The following GALNT13 variants were observed in gnomAD, a reference collection of about 807,000 sequenced individuals.
GALNT13 encodes the protein polypeptide N-acetylgalactosaminyltransferase 13, also known as UDP-GalNAc:polypeptide N-acetylgalactosaminyltransferase 13.
Under a neutral mutation model 64.2 loss-of-function variants are expected in GALNT13, and 28 were observed. The observed-to-expected ratio is 0.44, with a 90% CI of 0.32 to 0.60. The LOEUF (loss-of-function observed/expected upper bound fraction) is 0.60. GALNT13 is among the 20% of genes least tolerant of loss of function. The pLI is 0.05. For synonymous variants in GALNT13, 214 were observed against 224.6 expected, an observed-to-expected ratio of 0.95 and a Z score of 0.42; for missense variants, 577 against 669.8, an observed-to-expected ratio of 0.86 and a Z score of 1.53.
the GALNT13 span, among the ~76,000 whole-genome samples, chr2:153,241,611 C>T: frequency 1.3e-5 from 2 of 151,898 alleles, no homozygotes; most frequent in Admixed American, 6.6e-5. Context: ...CCTGGTATAC[C>T]AGCAAAATGT....
At chr2:154,064,556 C>T (rs767237809) in intron 3 of GALNT13, among the ~76,000 whole-genome samples, 25 of 152,068 alleles carry the variant, frequency 1.6e-4, no homozygotes, top group Non-Finnish European at 3.4e-4. Context: ...GAGTAGGCTA[C>T]AGCACTGGGC....
At chr2:153,338,865 T>A in the GALNT13 span, among the ~76,000 whole-genome samples, 3 of 152,242 alleles carry the variant, frequency 2.0e-5, no homozygotes, top group Non-Finnish European at 4.4e-5. Context: ...CACAAATAAG[T>A]AAAATGATGC....
At chr2:153,258,800 T>C in the GALNT13 span, among the ~76,000 whole-genome samples, 1 of 152,252 alleles carries the variant, frequency 6.6e-6, no homozygotes, top group Admixed American at 6.5e-5. Context: ...TTACCGGTTT[T>C]ATTCCTTTCT....
At chr2:154,280,593 A>G (rs1434084346) in intron 8 of GALNT13, among the ~76,000 whole-genome samples, 1 of 152,168 alleles carries the variant, frequency 6.6e-6, no homozygotes, top group Non-Finnish European at 1.5e-5. Context: ...CTGAAGGAAA[A>G]CTTTTTCTGA....
chr2:153,735,320 C>G, the GALNT13 span, among the ~76,000 whole-genome samples: 7 of 151,688 alleles, frequency 4.6e-5, no homozygotes, highest in Non-Finnish European at 7.4e-5. Context: ...ACTTTTCCCC[C>G]CAAGATTTCA....
At chr2:153,132,819 C>G in the GALNT13 span, among the ~76,000 whole-genome samples, 1 of 152,116 alleles carries the variant, frequency 6.6e-6, no homozygotes, top group Non-Finnish European at 1.5e-5. Flanking sequence ...TCCCCAGGCT[C>G]ATGTGATTCT....
At chr2:153,665,817 G>A in the GALNT13 span, among the ~76,000 whole-genome samples, 1 of 152,118 alleles carries the variant, frequency 6.6e-6, no homozygotes, top group South Asian at 2.1e-4. Context: ...AACCTCCATG[G>A]AAATTGGAGT....
the GALNT13 span, among the ~76,000 whole-genome samples, chr2:153,575,688 CAAT>C: frequency 1.3e-5 from 2 of 152,120 alleles, no homozygotes; most frequent in African/African-American, 4.8e-5. Context: ...AGACTACCAC[CAAT>C]ATTTCCCTAA....
chr2:153,954,309 G>GA (rs1380365364), intron 3 of GALNT13, among the ~76,000 whole-genome samples: 2 of 152,056 alleles, frequency 1.3e-5, no homozygotes, highest in Non-Finnish European at 2.9e-5. Context: ...ATGACCACTG[G>GA]AATGTTGAGA....
At chr2:153,651,498 C>T in the GALNT13 span, among the ~76,000 whole-genome samples, 1 of 152,240 alleles carries the variant, frequency 6.6e-6, no homozygotes, top group East Asian at 1.9e-4. Flanking sequence ...CATTCTCCTT[C>T]TCTGGTGGAA....
At chr2:153,690,948 C>T in the GALNT13 span, among the ~76,000 whole-genome samples, 4 of 152,084 alleles carry the variant, frequency 2.6e-5, no homozygotes, top group Non-Finnish European at 2.9e-5. Context: ...AGCAAACAAT[C>T]CATTAAGCTC....
the GALNT13 span, among the ~76,000 whole-genome samples, chr2:153,749,001 T>C: frequency 6.6e-6 from 1 of 152,112 alleles, no homozygotes; most frequent in Non-Finnish European, 1.5e-5. Context: ...GATTTGATTT[T>C]TGTATATAGT....
chr2:153,844,778 G>A, the GALNT13 span, among the ~76,000 whole-genome samples: 1 of 152,174 alleles, frequency 6.6e-6, no homozygotes, highest in African/African-American at 2.4e-5. Context: ...GAAGCAGCCA[G>A]CCACATCCTG....
At chr2:153,940,258 GT>G (rs1341531226) in intron 2 of GALNT13, among the ~76,000 whole-genome samples, 1 of 125,962 alleles carries the variant, frequency 7.9e-6, no homozygotes, top group Non-Finnish European at 1.6e-5. Context: ...TTAAGTTTTT[GT>G]CTTTTTTTTT....
the GALNT13 span, among the ~76,000 whole-genome samples, chr2:153,443,015 A>G: frequency 2.0e-5 from 3 of 151,976 alleles, no homozygotes; most frequent in Non-Finnish European, 2.9e-5. Context: ...GAGTTAGACC[A>G]CTTGGCTCCC....
chr2:153,719,880 G>C, the GALNT13 span, among the ~76,000 whole-genome samples: 1 of 152,054 alleles, frequency 6.6e-6, no homozygotes, highest in Non-Finnish European at 1.5e-5. Context: ...AGCGAGGCTG[G>C]GGGAGGGGCT....
the GALNT13 span, among the ~76,000 whole-genome samples, chr2:153,297,379 C>A: frequency 2.6e-5 from 4 of 151,900 alleles, no homozygotes; most frequent in African/African-American, 9.7e-5. Context: ...ATTTAAGACA[C>A]GAAAATGTGA....
chr2:154,337,544 C>T (rs1225551599), intron 9 of GALNT13, among the ~76,000 whole-genome samples: 3 of 151,798 alleles, frequency 2.0e-5, no homozygotes, highest in African/African-American at 7.3e-5. Context: ...CATAAGCATA[C>T]CACATAGTGA....
At chr2:153,958,675 C>T (rs1398433509) in intron 3 of GALNT13, among the ~76,000 whole-genome samples, 4 of 152,148 alleles carry the variant, frequency 2.6e-5, no homozygotes, top group African/African-American at 7.2e-5. Context: ...GTTGCTTTTT[C>T]CCTTTTACAT....
Sources: gnomAD v4.1 joint callset for allele counts (sites outside exome capture counted in the v4.1 genomes callset) on GRCh38, gnomAD v4.1.1 for gene constraint, MANE v1.5 for transcripts, NCBI Gene and HGNC (gene_info 2026-07-23, HGNC 2026-07-21) for gene names.